SOX5: variants seen among roughly 807,000 people sequenced by gnomAD.
SOX5 encodes the protein SRY-box transcription factor 5.
A neutral mutation model predicts 92.0 loss-of-function variants in SOX5; 9 were observed. That is an observed-to-expected ratio of 0.10 (90% CI 0.06 to 0.17). SOX5 has a LOEUF of 0.17. Among genes scored for constraint, SOX5 ranks in the 10% least tolerant of loss-of-function variants. The pLI is 1.00. For synonymous variants in SOX5, 344 were observed against 336.3 expected, an observed-to-expected ratio of 1.02 and a Z score of -0.25; for missense variants, 642 against 944.5, an observed-to-expected ratio of 0.68 and a Z score of 4.20.
At chr12:24,295,089 G>GAT (rs1947049477) in intron 2 of SOX5, among the ~76,000 whole-genome samples, 1 of 139,050 alleles carries the variant, frequency 7.2e-6, no homozygotes, top group Non-Finnish European at 1.6e-5. Context: ...TCATGTATAA[G>GAT]GTATATATAT....
At chr12:23,848,659 T>G (rs2096599860) in intron 2 of SOX5, among the ~76,000 whole-genome samples, 1 of 152,184 alleles carries the variant, frequency 6.6e-6, no homozygotes, top group South Asian at 2.1e-4. Flanking sequence ...ATTGCATTTG[T>G]CATACATGAA....
intron 4 of SOX5, among the ~76,000 whole-genome samples, chr12:24,081,211 G>T (rs1943291209): frequency 6.6e-6 from 1 of 151,930 alleles, no homozygotes; most frequent in Non-Finnish European, 1.5e-5. Flanking sequence ...GAATCAGAGA[G>T]GTGAGGTCAT....
Position 23,575,982 on chromosome 12 carries a change from T to C in SOX5, c.1165-144A>G, listed in dbSNP as rs1949043697. The C allele has an allele frequency of 3.4e-6, 2 of 585,644 alleles. 1 individual carries two copies. Among genetic ancestry groups the C allele is most frequent in the South Asian group, 5.6e-5 (2 of 35,824 alleles). The allele number at this position is 585,644 out of a possible 1,614,324, so 36.3% of individuals were successfully genotyped here. A position where few individuals can be genotyped will look rare whatever the true frequency, so the allele number is the denominator to read the frequency against. The stretch of plus-strand genomic sequence containing the variant: ...AACATTCATTCTGAACATTACAGCA[T>C]TTGCTTAGCTGTCAACATAATGCCT... On this transcript the variant is annotated intron_variant, in intron 9 of 14. Transcript: ENST00000451604.
At chr12:23,607,232 A>G (rs1196709801) in intron 8 of SOX5, among the ~76,000 whole-genome samples, 2 of 152,236 alleles carry the variant, frequency 1.3e-5, no homozygotes, top group African/African-American at 2.4e-5. Context: ...ATCTATTTCA[A>G]CACATTTTGT....
At position 24,211,453 on chromosome 12, in the gene SOX5, A is replaced by G. The variant is rs1187593186; in HGVS notation, c.-2+1890T>C. 1.3e-5 allele frequency among the ~76,000 whole-genome samples: 2 copies of G among 152,220 alleles called. 1 individual carries two copies. Among genetic ancestry groups the G allele is most frequent in the East Asian group, 3.9e-4 (2 of 5,194 alleles). On this transcript the variant is annotated intron_variant, in intron 4 of 4. Transcript: ENST00000446891. ...AATCATCTTTTTATTTCATCTAGCT[A>G]AACAGAAAACTTCTCCAGGGAAATG...
chr12:23,602,624 T>C lies in SOX5; in HGVS notation c.1164+1763A>G, dbSNP rs557370344. ...AAGCAAAATGTCCTGACGTAAAGCC[T>C]CATTACGAAACATGATGTGAAATCA... On this transcript the variant is annotated intron_variant, in intron 9 of 14. Transcript: ENST00000451604. Among the ~76,000 whole-genome samples the C allele has an allele frequency of 6.6e-5, 10 of 152,078 alleles. 1 individual carries two copies. Among genetic ancestry groups the C allele is most frequent in the African/African-American group, 2.4e-4 (10 of 41,522 alleles).
intron 4 of SOX5, among the ~76,000 whole-genome samples, chr12:24,183,968 T>C (rs1317720407): frequency 6.6e-6 from 1 of 152,188 alleles, no homozygotes; most frequent in East Asian, 1.9e-4. Flanking sequence ...TAACCACTCA[T>C]TACATATTTT....
intron 3 of SOX5, among the ~76,000 whole-genome samples, chr12:24,255,746 G>T (rs929089162): frequency 6.6e-6 from 1 of 152,110 alleles, no homozygotes; most frequent in African/African-American, 2.4e-5. Flanking sequence ...AATGAAATAA[G>T]ATTTCTAAGT....
intron 4 of SOX5, among the ~76,000 whole-genome samples, chr12:24,167,836 T>C (rs1953602965): frequency 6.6e-6 from 1 of 152,022 alleles, no homozygotes; most frequent in Non-Finnish European, 1.5e-5. Flanking sequence ...CCTATAAGAG[T>C]CTAATTATCC....
intron 1 of SOX5, among the ~76,000 whole-genome samples, chr12:24,444,025 G>A (rs1411344589): frequency 6.6e-6 from 1 of 152,176 alleles, no homozygotes; most frequent in Non-Finnish European, 1.5e-5. Flanking sequence ...GTGAGATGTG[G>A]GGATGTGGAA....
intron 3 of SOX5, among the ~76,000 whole-genome samples, chr12:23,831,845 C>T (rs567860285): frequency 6.6e-6 from 1 of 151,954 alleles, no homozygotes; most frequent in East Asian, 1.9e-4. Flanking sequence ...AAGGAGCACA[C>T]TCATCATGGC....
intron 3 of SOX5, among the ~76,000 whole-genome samples, chr12:24,270,154 C>T (rs534778962): frequency 1.8e-4 from 27 of 152,208 alleles, no homozygotes; most frequent in Admixed American, 1.4e-3. Context: ...CTCCACCTCC[C>T]GGGTTCAAGC....
At position 23,993,908 on chromosome 12, in the gene SOX5, T is replaced by TATGCATGCATGCATGTATGCATGC. The variant is rs1555465104; in HGVS notation, c.-1-97885_-1-97884insGCATGCATACATGCATGCATGCAT. On this transcript the variant is annotated intron_variant, in intron 4 of 4. Transcript: ENST00000446891. ...GTATGTATGTATGTATGTATGTATG[T>TATGCATGCATGCATGTATGCATGC]ATGTATGCATGTATGCATGTATGTG... Among the ~76,000 whole-genome samples the TATGCATGCATGCATGTATGCATGC allele has an allele frequency of 3.0e-5, 4 of 132,386 alleles. No homozygotes were observed. The South Asian group carries it at 9.8e-4, about 32-fold the overall frequency. 86.9% of individuals were successfully genotyped at this position (132,386 alleles called of 152,430 possible).
intron 1 of SOX5, among the ~76,000 whole-genome samples, chr12:24,427,101 G>A (rs1479543108): frequency 6.6e-6 from 1 of 152,144 alleles, no homozygotes; most frequent in Non-Finnish European, 1.5e-5. Context: ...AATATCCACA[G>A]TACCTATTAG....
intron 6 of SOX5, among the ~76,000 whole-genome samples, chr12:23,697,299 G>T (rs1171009693): frequency 6.6e-6 from 1 of 152,152 alleles, no homozygotes; most frequent in African/African-American, 2.4e-5. Flanking sequence ...AACTGCCCAA[G>T]TTAAAATTGT....
At chr12:23,800,663 C>T (rs2095644027) in intron 3 of SOX5, among the ~76,000 whole-genome samples, 3 of 152,012 alleles carry the variant, frequency 2.0e-5, no homozygotes, top group Admixed American at 1.3e-4. Context: ...TTACACCTGT[C>T]ATATTAAATG....
At chr12:24,174,380 G>A (rs1184215478) in intron 4 of SOX5, among the ~76,000 whole-genome samples, 1 of 152,136 alleles carries the variant, frequency 6.6e-6, no homozygotes, top group Non-Finnish European at 1.5e-5. Context: ...CTTACAAATA[G>A]CTGCTTTGTT....
intron 3 of SOX5, among the ~76,000 whole-genome samples, chr12:24,269,688 C>CTTTTTTTTTTTTTTTTTT (rs58098308): frequency 8.6e-6 from 1 of 116,724 alleles, no homozygotes; most frequent in Non-Finnish European, 1.7e-5. Flanking sequence ...TATTTTTATT[C>CTTTTTTTTTTTTTTTTTT]TTTTTTTTTT....
At chr12:23,567,696 T>C (rs1312191942) in intron 10 of SOX5, among the ~76,000 whole-genome samples, 1 of 152,078 alleles carries the variant, frequency 6.6e-6, no homozygotes, top group East Asian at 1.9e-4. Flanking sequence ...ATTCACACAA[T>C]TCTCCTGCCT....
Sources: gnomAD v4.1 joint callset for allele counts (sites outside exome capture counted in the v4.1 genomes callset) on GRCh38, gnomAD v4.1.1 for gene constraint, MANE v1.5 for transcripts, NCBI Gene and HGNC (gene_info 2026-07-23, HGNC 2026-07-21) for gene names.